Variants in COL26A1 observed in about 807,000 individuals in gnomAD.
COL26A1 encodes the protein collagen alpha-1(XXVI) chain.
A neutral mutation model predicts 59.3 loss-of-function variants in COL26A1; 41 were observed. The ratio of observed to expected loss-of-function variants is 0.69; its 90% CI spans 0.54 to 0.90. COL26A1 has a LOEUF of 0.90. COL26A1 is among the 40% of genes least tolerant of loss of function. COL26A1 has a pLI of 0.00. For synonymous variants in COL26A1, 266 were observed against 256.0 expected (o/e 1.04, Z -0.37); for missense variants, 612 against 602.3 (o/e 1.02, Z -0.17).
intron 1 of COL26A1, among the ~76,000 whole-genome samples, chr7:101,376,428 C>T (rs73173764): frequency 0.052 from 7,921 of 152,172 alleles, 227 homozygotes; most frequent in Non-Finnish European, 0.067. Flanking sequence ...CTGTGAGATG[C>T]TGTTGTGGAT....
intron 3 of COL26A1, among the ~76,000 whole-genome samples, chr7:101,448,839 G>A (rs1793262316): frequency 6.6e-6 from 1 of 152,090 alleles, no homozygotes; most frequent in Non-Finnish European, 1.5e-5. Context: ...TCCCACCTTC[G>A]CTTTCTGACA....
rs554453831 is a variant in COL26A1 at position 101,499,565 on chromosome 7, T to G, written c.386-33517T>G. Among the ~76,000 whole-genome samples, 16 of 152,228 alleles carry G rather than the reference T, an allele frequency of 1.1e-4. No individual in the cohort carries two copies. In the East Asian group the frequency reaches 2.5e-3, roughly 24 times the overall value. On this transcript the variant is annotated intron_variant, in intron 3 of 12. Coordinates refer to ENST00000313669, the MANE Select transcript of COL26A1 (RefSeq NM_001278563.3). ...TGGGCATGGTGGCGCATGCCTGTAA[T>G]ACCAGCTATTCTGGAGGCTGAGGCA... is the stretch of plus-strand genomic sequence containing the variant.
chr7:101,480,015 G>C (rs959863317), intron 3 of COL26A1, among the ~76,000 whole-genome samples: 2 of 151,970 alleles, frequency 1.3e-5, no homozygotes, highest in Non-Finnish European at 2.9e-5. Context: ...AAGAGTCAGG[G>C]TCTCACTAGT....
Position 101,510,905 on chromosome 7 carries a change from T to TTTC in COL26A1, c.386-22175_386-22174insCTT, listed in dbSNP as rs1267836552. Among the ~76,000 whole-genome samples the TTTC allele has an allele frequency of 5.8e-3, 853 of 146,290 alleles. 5 individuals carry two copies. Among genetic ancestry groups the TTTC allele is most frequent in the African/African-American group, 0.02 (790 of 40,018 alleles). On this transcript the variant is annotated intron_variant, in intron 3 of 12. Coordinates refer to ENST00000313669, the MANE Select transcript of COL26A1 (RefSeq NM_001278563.3). Reference sequence around the variant, plus strand: ...TTTTCTTTTTCTTTCTTTCTTTTTTTTTTTTTTTTTTTTGAGACGGAGTCT... The same window carrying TTTC: ...TTTTCTTTTTCTTTCTTTCTTTTTTTTTCTTTTTTTTTTTTTGAGACGGAGTCT...
intron 1 of COL26A1, among the ~76,000 whole-genome samples, chr7:101,369,718 T>G (rs1791140531): frequency 6.6e-6 from 1 of 152,090 alleles, no homozygotes; most frequent in African/African-American, 2.4e-5. Flanking sequence ...CCTCTACTGA[T>G]AGACACTTGT....
rs367833942 is a variant in COL26A1, at chr7:101,362,880, C to G, written c.-153C>G. ...GGCCCCGGAGAGGCGTGGGCGCCCC[C>G]CACACATTTCCAGCTCGCACCCGGG... is the stretch of plus-strand genomic sequence containing the variant. On this transcript the variant is annotated 5_prime_UTR_variant, in exon 1 of 13. Coordinates refer to ENST00000313669, the MANE Select transcript of COL26A1 (RefSeq NM_001278563.3). 2.8e-6 allele frequency: 2 copies of G among 719,980 alleles called. No individual in the cohort carries two copies. The highest frequency in any genetic ancestry group is 7.3e-5 in the Admixed American group (2 of 27,578). The allele number at this position is 719,980 out of a possible 1,614,324, so 44.6% of individuals were successfully genotyped here.
intron 3 of COL26A1, among the ~76,000 whole-genome samples, chr7:101,516,245 T>C (rs1795025884): frequency 6.6e-6 from 1 of 152,132 alleles, no homozygotes; most frequent in Non-Finnish European, 1.5e-5. Flanking sequence ...AGATTTGCTT[T>C]TTTGTTGTTT....
At chr7:101,464,404 A>AT (rs928100414) in intron 3 of COL26A1, among the ~76,000 whole-genome samples, 1 of 112,372 alleles carries the variant, frequency 8.9e-6, no homozygotes, top group African/African-American at 3.4e-5. Flanking sequence ...CCAGCATCTA[A>AT]TTCTTATTTT....
At chr7:101,446,925 T>TA (rs1400186350) in intron 2 of COL26A1, among the ~76,000 whole-genome samples, 1 of 152,008 alleles carries the variant, frequency 6.6e-6, no homozygotes, top group Non-Finnish European at 1.5e-5. Context: ...TGGAGGTTTT[T>TA]ATCACTCAAA....
intron 1 of COL26A1, among the ~76,000 whole-genome samples, chr7:101,409,620 G>C (rs1001852196): frequency 3.3e-5 from 5 of 152,246 alleles, no homozygotes; most frequent in African/African-American, 1.2e-4. Context: ...CACCTGATCA[G>C]GGTTCTCACC....
At position 101,406,257 on chromosome 7, in the gene COL26A1, TTA is replaced by T. The variant is rs553367225; in HGVS notation, c.159-13718_159-13717del. Among the ~76,000 whole-genome samples the T allele has an allele frequency of 5.3e-5, 8 of 152,280 alleles. No homozygotes were observed. In the East Asian group the frequency reaches 1.5e-3, roughly 29 times the overall value. ...AAATGGACAGTTCCAGTAAAAACTA[TTA>T]TGAGGAAACGCAGGCAGGTCTATCT... On this transcript the variant is annotated intron_variant, in intron 1 of 12. Transcript: ENST00000313669.
At chr7:101,444,946 C>T (rs1793151311) in intron 2 of COL26A1, among the ~76,000 whole-genome samples, 1 of 151,948 alleles carries the variant, frequency 6.6e-6, no homozygotes, top group South Asian at 2.1e-4. Context: ...CAGGTTCAAG[C>T]TATTCTGCCT....
chr7:101,505,794 A>T (rs1794802114), intron 3 of COL26A1, among the ~76,000 whole-genome samples: 1 of 152,192 alleles, frequency 6.6e-6, no homozygotes, highest in Non-Finnish European at 1.5e-5. Flanking sequence ...ACCCTCACAG[A>T]CACACCCAGG....
At chr7:101,432,361 A>C (rs1792802714) in intron 2 of COL26A1, among the ~76,000 whole-genome samples, 1 of 152,192 alleles carries the variant, frequency 6.6e-6, no homozygotes, top group Non-Finnish European at 1.5e-5. Context: ...ATCTGAGGAC[A>C]TGAAGAGGAG....
intron 1 of COL26A1, among the ~76,000 whole-genome samples, chr7:101,363,540 C>CGCGGGGA (rs1562948116): frequency 1.9e-5 from 1 of 52,228 alleles, no homozygotes; most frequent in Non-Finnish European, 3.7e-5. Context: ...GGGCGCGGGG[C>CGCGGGGA]GGCGGGGGTT....
chr7:101,402,607 TTTC>T (rs541935586), intron 1 of COL26A1, among the ~76,000 whole-genome samples: 126 of 151,360 alleles, frequency 8.3e-4, no homozygotes, highest in African/African-American at 2.9e-3. Context: ...CCTTCTTTCC[TTTC>T]TTCTCTTTCT....
chr7:101,384,075 G>A (rs533646837), intron 1 of COL26A1, among the ~76,000 whole-genome samples: 15 of 152,172 alleles, frequency 9.9e-5, no homozygotes, highest in African/African-American at 3.6e-4. Context: ...GTGCCGTGAT[G>A]CAATCACTCT....
At chr7:101,406,544 C>T (rs1481794065) in intron 1 of COL26A1, among the ~76,000 whole-genome samples, 1 of 152,186 alleles carries the variant, frequency 6.6e-6, no homozygotes, top group Non-Finnish European at 1.5e-5. Context: ...GCCATGAGCA[C>T]CTTCATGGAC....
At chr7:101,511,057 T>C (rs113495149) in intron 3 of COL26A1, among the ~76,000 whole-genome samples, 39,724 of 151,760 alleles carry the variant, frequency 0.26, 7,233 homozygotes, top group African/African-American at 0.52. Flanking sequence ...CCCACCACCA[T>C]GCCTGGCTAA....
Sources: gnomAD v4.1 joint callset for allele counts (sites outside exome capture counted in the v4.1 genomes callset) on GRCh38, gnomAD v4.1.1 for gene constraint, MANE v1.5 for transcripts, NCBI Gene and HGNC (gene_info 2026-07-23, HGNC 2026-07-21) for gene names.